FHIT: variants seen among roughly 807,000 people sequenced by gnomAD.
The protein encoded by FHIT is bis(5'-adenosyl)-triphosphatase.
Under a neutral mutation model 17.9 loss-of-function variants are expected in FHIT, and 19 were observed. That is an observed-to-expected ratio of 1.06 (90% confidence interval 0.74 to 1.56). FHIT has a LOEUF of 1.56. Ranked by LOEUF, FHIT falls within the 40% of genes most tolerant of loss-of-function variation. The pLI is 0.00. For missense variants in FHIT, 248 were observed against 189.2 expected, an observed-to-expected ratio of 1.31 and a Z score of -1.82; for synonymous variants, 81 against 69.7, an observed-to-expected ratio of 1.16 and a Z score of -0.81.
chr3:60,145,032 C>T (rs963581042), intron 5 of FHIT, among the ~76,000 whole-genome samples: 1 of 152,136 alleles, frequency 6.6e-6, no homozygotes, highest in Non-Finnish European at 1.5e-5. Flanking sequence ...TTCAGATTAT[C>T]CCAATGGTCT....
In FHIT at chr3:60,238,969, G is replaced by A. The variant is rs575300430; in HGVS notation, c.104-224817C>T. On this transcript the variant is annotated intron_variant, in intron 5 of 9. Transcript: ENST00000492590. ...CATTTTCTAAAACATGGTCCAAGGA[G>A]TTCCATAGATAATTGAAGAAAATAT... Among the ~76,000 whole-genome samples the A allele has an allele frequency of 7.9e-4, 120 of 152,158 alleles. 2 individuals are homozygous for A. The highest frequency in any genetic ancestry group is 1.2e-3 in the Non-Finnish European group (84 of 68,042).
intron 4 of FHIT, among the ~76,000 whole-genome samples, chr3:60,599,182 T>C (rs930575498): frequency 7.2e-5 from 11 of 152,162 alleles, no homozygotes; most frequent in Admixed American, 7.2e-4. Flanking sequence ...AGAGCTCATA[T>C]ACTCTGTAAT....
At chr3:60,499,702 T>A (rs768439585) in intron 5 of FHIT, among the ~76,000 whole-genome samples, 1 of 152,174 alleles carries the variant, frequency 6.6e-6, no homozygotes. Context: ...TTAAACATTA[T>A]TGAGCATGCA....
chr3:59,843,354 G>C (rs1701599607), intron 8 of FHIT, among the ~76,000 whole-genome samples: 1 of 152,092 alleles, frequency 6.6e-6, no homozygotes, highest in Non-Finnish European at 1.5e-5. Context: ...CATAAAGTAT[G>C]AGTCCTCCAG....
chr3:60,760,316 G>C (rs533296081), intron 4 of FHIT, among the ~76,000 whole-genome samples: 2 of 152,228 alleles, frequency 1.3e-5, no homozygotes, highest in South Asian at 4.1e-4. Flanking sequence ...CTAGGAGCAG[G>C]TAGGCTAGTG....
intron 5 of FHIT, among the ~76,000 whole-genome samples, chr3:60,032,052 C>G (rs541204502): frequency 1.3e-5 from 2 of 152,220 alleles, no homozygotes; most frequent in Admixed American, 6.5e-5. Flanking sequence ...TACTATCACA[C>G]AATTATGATG....
At chr3:60,596,369 G>A (rs555720100) in intron 4 of FHIT, among the ~76,000 whole-genome samples, 21 of 152,204 alleles carry the variant, frequency 1.4e-4, no homozygotes, top group Admixed American at 3.9e-4. Flanking sequence ...TGGCCTTGCC[G>A]ACACTGCACT....
intron 5 of FHIT, among the ~76,000 whole-genome samples, chr3:60,182,402 G>T (rs2107444461): frequency 6.6e-6 from 1 of 152,228 alleles, no homozygotes; most frequent in South Asian, 2.1e-4. Flanking sequence ...CACAAAACAT[G>T]GCAGCAGACG....
intron 2 of FHIT, among the ~76,000 whole-genome samples, chr3:61,199,096 G>C (rs528074915): frequency 6.6e-6 from 1 of 152,168 alleles, no homozygotes; most frequent in East Asian, 1.9e-4. Flanking sequence ...GAGACTCTAA[G>C]AGGGTGAATA....
chr3:60,171,201 T>C lies in FHIT; in HGVS notation c.104-157049A>G, dbSNP rs185132987. On this transcript the variant is annotated intron_variant, in intron 5 of 9. Coordinates refer to ENST00000492590, the MANE Select transcript of FHIT (RefSeq NM_002012.4). ...CTGAGGGATGCTATTTTTTTTTAAATACCTTCTTTCCTTCAGCTAATGTAA... is the reference window on the plus strand; with the variant it reads ...CTGAGGGATGCTATTTTTTTTTAAACACCTTCTTTCCTTCAGCTAATGTAA... 3.0e-4 allele frequency among the ~76,000 whole-genome samples: 45 copies of C among 152,350 alleles called. 1 individual carries two copies. The highest frequency in any genetic ancestry group is 2.4e-3 in the Admixed American group (36 of 15,300).
chr3:60,165,710 T>C (rs1318033817), intron 5 of FHIT, among the ~76,000 whole-genome samples: 1 of 152,198 alleles, frequency 6.6e-6, no homozygotes, highest in Non-Finnish European at 1.5e-5. Flanking sequence ...CTTAAATTCC[T>C]TTTCCCCTTA....
At chr3:60,552,687 T>C (rs2036600629) in intron 4 of FHIT, among the ~76,000 whole-genome samples, 1 of 151,940 alleles carries the variant, frequency 6.6e-6, no homozygotes, top group African/African-American at 2.4e-5. Context: ...TATTCATACC[T>C]ACTCCCTCTT....
intron 8 of FHIT, among the ~76,000 whole-genome samples, chr3:59,896,412 T>C (rs1704072694): frequency 2.0e-5 from 3 of 152,190 alleles, no homozygotes; most frequent in Admixed American, 6.5e-5. Flanking sequence ...AAACTCCAAA[T>C]AGCATCCTTT....
chr3:60,039,034 C>A (rs1020857494), intron 5 of FHIT, among the ~76,000 whole-genome samples: 1 of 152,076 alleles, frequency 6.6e-6, no homozygotes, highest in Non-Finnish European at 1.5e-5. Flanking sequence ...CCAGTCATAC[C>A]GTGGCTGAGA....
At chr3:60,997,818 G>A (rs1365069610) in intron 3 of FHIT, among the ~76,000 whole-genome samples, 1 of 152,120 alleles carries the variant, frequency 6.6e-6, no homozygotes. Flanking sequence ...CGCCTTCTCT[G>A]GCACTGCAAT....
intron 4 of FHIT, among the ~76,000 whole-genome samples, chr3:60,809,358 A>T (rs1461637775): frequency 6.6e-6 from 1 of 152,166 alleles, no homozygotes; most frequent in Non-Finnish European, 1.5e-5. Context: ...AGGCAATAGA[A>T]TATGTGTGTA....
chr3:61,196,176 C>T (rs2038848094), intron 2 of FHIT, among the ~76,000 whole-genome samples: 1 of 151,824 alleles, frequency 6.6e-6, no homozygotes, highest in Non-Finnish European at 1.5e-5. Flanking sequence ...GAGGTGAACA[C>T]CAGAAATATC....
intron 4 of FHIT, among the ~76,000 whole-genome samples, chr3:60,555,032 T>G (rs530355206): frequency 2.6e-5 from 4 of 152,326 alleles, no homozygotes; most frequent in Admixed American, 2.0e-4. Context: ...GACTGATACA[T>G]TTTTTACGTA....
At chr3:61,179,002 CTTTTTCTTTTTTT>C (rs1460898675) in intron 2 of FHIT, among the ~76,000 whole-genome samples, 1 of 137,850 alleles carries the variant, frequency 7.3e-6, no homozygotes, top group Non-Finnish European at 1.6e-5. Context: ...ATTTCTTTTT[CTTTTTCTTTTTTT>C]TTTTTTTTTT....
Sources: allele counts gnomAD v4.1 joint callset (sites outside exome capture counted in the v4.1 genomes callset), GRCh38; gene constraint gnomAD v4.1.1; transcripts MANE v1.5; gene names NCBI Gene and HGNC (gene_info 2026-07-23, HGNC 2026-07-21).